The following TIAM1 variants were observed in gnomAD, a reference collection of about 807,000 sequenced individuals.
TIAM1 encodes the protein TIAM Rac1 associated GEF 1.
A neutral mutation model predicts 163.5 loss-of-function variants in TIAM1; 65 were observed. That is an observed-to-expected ratio of 0.40 (90% confidence interval 0.33 to 0.49). The LOEUF (loss-of-function observed/expected upper bound fraction) is 0.49. Ranked by LOEUF, TIAM1 falls within the 20% of genes least tolerant of loss-of-function variation. The pLI, the probability that TIAM1 is intolerant of heterozygous loss-of-function variation, is 0.77. For synonymous variants in TIAM1, 833 were observed against 810.1 expected, an observed-to-expected ratio of 1.03 and a Z score of -0.48; for missense variants, 1,789 against 2,044.7, an observed-to-expected ratio of 0.87 and a Z score of 2.41.
At position 31,544,240 on chromosome 21, in the gene TIAM1, G is replaced by A. The variant is rs375334989; in HGVS notation, c.-422+14687C>T. ...ATAATAAATAAATAAATAAAAATAG[G>A]CCACTTGTGGTGGCTCACGCCTGTA... On this transcript the variant is annotated intron_variant, in intron 1 of 28. Coordinates refer to the TIAM1 transcript ENST00000286827. Among the ~76,000 whole-genome samples the A allele has an allele frequency of 6.0e-4, 91 of 150,624 alleles. 3 individuals are homozygous for A. In the South Asian group the frequency reaches 0.019, roughly 31 times the overall value.
chr21:31,297,539 C>A (rs1182815983), intron 2 of TIAM1, among the ~76,000 whole-genome samples: 1 of 152,218 alleles, frequency 6.6e-6, no homozygotes, highest in African/African-American at 2.4e-5. Flanking sequence ...GGATTACAGG[C>A]ACCTGCCACA....
chr21:31,347,000 G>A (rs2076159257), upstream of TIAM1, among the ~76,000 whole-genome samples: 1 of 152,062 alleles, frequency 6.6e-6, no homozygotes, highest in African/African-American at 2.4e-5. Context: ...AAGGGGACGT[G>A]GGGGAACAGT....
chr21:31,389,872 T>G (rs1012454261), intron 2 of TIAM1, among the ~76,000 whole-genome samples: 25 of 152,358 alleles, frequency 1.6e-4, no homozygotes, highest in Middle Eastern at 6.8e-3. Flanking sequence ...GCCTCCACTC[T>G]GAGTTTTGGG....
intron 2 of TIAM1, among the ~76,000 whole-genome samples, chr21:31,324,493 A>G (rs1419557911): frequency 6.6e-6 from 1 of 152,212 alleles, no homozygotes. Context: ...TTTTCTGACA[A>G]TTCTATCAGG....
intron 11 of TIAM1, 44 bp from the exon 12 acceptor site, chr21:31,203,056 G>A (rs779107712): frequency 1.4e-6 from 2 of 1,465,804 alleles, no homozygotes; most frequent in Non-Finnish European, 1.9e-6. Context: ...CTGTTCAATA[G>A]TAAATAGGCA....
At chr21:31,349,779 C>T (rs796193134) in intron 2 of TIAM1, among the ~76,000 whole-genome samples, 20 of 152,246 alleles carry the variant, frequency 1.3e-4, no homozygotes, top group African/African-American at 3.1e-4. Flanking sequence ...TGAGAAGAGC[C>T]GGTTCAAGTC....
rs2146274140 is a variant in TIAM1 at position 31,141,487 on chromosome 21, A to T, written c.3493T>A (p.Phe1165Ile). The T allele has an allele frequency of 6.2e-7, 1 of 1,614,138 alleles. No individual in the cohort carries two copies. Among genetic ancestry groups the T allele is most frequent in the South Asian group, 1.1e-5 (1 of 91,072 alleles). ...VLVKAKTDTA[F>I]KAFLDAQNPK... ...TTCTGGGCATCCAAGAATGCCTTGAAAGCCGTGTCTGTCTTGGCTGGCAGG... is the reference window on the plus strand; with the variant it reads ...TTCTGGGCATCCAAGAATGCCTTGATAGCCGTGTCTGTCTTGGCTGGCAGG... The change falls in exon 21 of 28, where the codon TTC becomes ATC. Residue 1165 changes from phenylalanine to isoleucine, a missense_variant. Around this residue, in one of 5 missense-constraint regions of TIAM1, gnomAD observed 60 missense variants for 132.6 expected, o/e 0.45. Coordinates refer to ENST00000541036, the MANE Select transcript of TIAM1 (RefSeq NM_001353694.2). This position sits in a 1 kb window ranked among gnomAD's most constrained non-coding sequence, Gnocchi z 4.7.
At chr21:31,343,649 T>A (rs2076083923) in intron 1 of TIAM1, among the ~76,000 whole-genome samples, 1 of 152,104 alleles carries the variant, frequency 6.6e-6, no homozygotes, top group African/African-American at 2.4e-5. Context: ...TTCTGAATAT[T>A]CCTTCGGAAC....
At chr21:31,315,069 T>TA (rs1417012389) in intron 2 of TIAM1, among the ~76,000 whole-genome samples, 4 of 152,122 alleles carry the variant, frequency 2.6e-5, no homozygotes, top group African/African-American at 9.7e-5. Flanking sequence ...TGGTTAAATA[T>TA]AAATAAAATC....
chr21:31,471,702 T>A (rs2147374201), intron 1 of TIAM1, among the ~76,000 whole-genome samples: 1 of 151,982 alleles, frequency 6.6e-6, no homozygotes, highest in South Asian at 2.1e-4. Flanking sequence ...AAACCCTATC[T>A]CTACTAAAAA....
At chr21:31,466,558 C>T (rs188481547) in intron 1 of TIAM1, among the ~76,000 whole-genome samples, 246 of 152,250 alleles carry the variant, frequency 1.6e-3, no homozygotes, top group Non-Finnish European at 3.2e-3. Context: ...GGTCAAGGAG[C>T]AAGTCTTCAT....
At chr21:31,474,475 T>C (rs2045864727) in intron 1 of TIAM1, among the ~76,000 whole-genome samples, 1 of 151,622 alleles carries the variant, frequency 6.6e-6, no homozygotes, top group Admixed American at 6.6e-5. Flanking sequence ...AAGTGAGGTG[T>C]AAATGAATTA....
chr21:31,152,511 C>T, intron 19 of TIAM1, 125 bp downstream of exon 19: 1 of 1,305,880 alleles, frequency 7.7e-7, no homozygotes, highest in East Asian at 2.3e-5. Flanking sequence ...CCATTCCCCT[C>T]CCTCTCAGAC....
chr21:31,234,761 G>A (rs991240632), intron 6 of TIAM1, among the ~76,000 whole-genome samples: 4 of 130,882 alleles, frequency 3.1e-5, no homozygotes, highest in African/African-American at 5.9e-5. Flanking sequence ...CAGCCTGGGC[G>A]ACAGAGTGAG....
At chr21:31,127,412 CTTT>C (rs199978005) in intron 25 of TIAM1, among the ~76,000 whole-genome samples, 1 of 140,764 alleles carries the variant, frequency 7.1e-6, no homozygotes. Context: ...ATGGACCGAA[CTTT>C]TTTTTTTTTT....
At chr21:31,426,826 C>G (rs978873784) in intron 2 of TIAM1, among the ~76,000 whole-genome samples, 3 of 152,164 alleles carry the variant, frequency 2.0e-5, no homozygotes, top group African/African-American at 7.2e-5. Flanking sequence ...ACCAACAAGA[C>G]AGATGCTATA....
intron 2 of TIAM1, among the ~76,000 whole-genome samples, chr21:31,337,245 A>G (rs1010390187): frequency 1.3e-5 from 2 of 152,144 alleles, no homozygotes; most frequent in African/African-American, 4.8e-5. Flanking sequence ...GACCCAGGGC[A>G]AGATAAGACC....
chr21:31,379,429 C>T (rs559856137), intron 2 of TIAM1, among the ~76,000 whole-genome samples: 16 of 152,150 alleles, frequency 1.1e-4, no homozygotes, highest in African/African-American at 3.6e-4. Context: ...AAAAACACTG[C>T]ACTATGCCCT....
chr21:31,271,956 A>T (rs1305069713), intron 3 of TIAM1, among the ~76,000 whole-genome samples: 1 of 152,180 alleles, frequency 6.6e-6, no homozygotes, highest in Non-Finnish European at 1.5e-5. Context: ...AGGGCCTTTA[A>T]ATCCCACCAA....
Sources: allele counts gnomAD v4.1 joint callset (sites outside exome capture counted in the v4.1 genomes callset), GRCh38; gene constraint gnomAD v4.1.1; regional missense constraint gnomAD v4.1.1; non-coding constraint Gnocchi (gnomAD v3.1); transcripts MANE v1.5; gene names NCBI Gene and HGNC (gene_info 2026-07-23, HGNC 2026-07-21).